The following NAALADL2 variants were observed in gnomAD, a reference collection of about 807,000 sequenced individuals.
NAALADL2 encodes inactive N-acetylated-alpha-linked acidic dipeptidase-like protein 2.
Under a neutral mutation model 87.2 loss-of-function variants are expected in NAALADL2, and 76 were observed. The observed-to-expected ratio is 0.87, with a 90% confidence interval of 0.72 to 1.05. The LOEUF is 1.05. Ranked by LOEUF, NAALADL2 falls within the 50% of genes least tolerant of loss-of-function variation. NAALADL2 has a pLI of 0.00. For synonymous variants in NAALADL2, 354 were observed against 331.0 expected (o/e 1.07, Z -0.75); for missense variants, 1,089 against 945.8 (o/e 1.15, Z -1.99).
intron 12 of NAALADL2, among the ~76,000 whole-genome samples, chr3:175,747,445 C>T (rs1345702549): frequency 6.6e-6 from 1 of 151,930 alleles, no homozygotes. Flanking sequence ...ATTTTTTTCC[C>T]TAAGGTGTAT....
intron 1 of NAALADL2, among the ~76,000 whole-genome samples, chr3:174,509,568 ATTTTTTTTTTTTTTTTT>A (rs145219498): frequency 1.4e-4 from 11 of 80,118 alleles, no homozygotes; most frequent in Admixed American, 1.9e-4. Flanking sequence ...CACCCAGCTA[ATTTTTTTTTTTTTTTTT>A]TTTTTTTTTT....
intron 1 of NAALADL2, among the ~76,000 whole-genome samples, chr3:174,878,426 A>G (rs994718491): frequency 6.6e-6 from 1 of 152,114 alleles, no homozygotes; most frequent in Non-Finnish European, 1.5e-5. Flanking sequence ...AGAACTACTT[A>G]AAACTGCGTG....
intron 1 of NAALADL2, among the ~76,000 whole-genome samples, chr3:174,539,209 ATATT>A (rs1218842170): frequency 2.6e-5 from 4 of 152,188 alleles, no homozygotes; most frequent in Non-Finnish European, 5.9e-5. Flanking sequence ...AGTATGTCCA[ATATT>A]TATTTAACTC....
Position 175,118,530 on chromosome 3 carries a change from A to C in NAALADL2, c.545+21239A>C, listed in dbSNP as rs1444400256. ...AACAGCAGGCAGGAGGCGGTAAACAAACCATTAAATTGTGAAAAGACCAGT... is the reference window on the plus strand; with the variant it reads ...AACAGCAGGCAGGAGGCGGTAAACACACCATTAAATTGTGAAAAGACCAGT... On this transcript the variant is annotated intron_variant, in intron 2 of 13. Coordinates refer to ENST00000454872, the MANE Select transcript of NAALADL2 (RefSeq NM_207015.3). 3.3e-5 allele frequency among the ~76,000 whole-genome samples: 5 copies of C among 151,886 alleles called. No homozygotes were observed. In the East Asian group the frequency reaches 9.7e-4, roughly 30 times the overall value.
At chr3:174,931,599 A>G (rs985821022) in intron 1 of NAALADL2, among the ~76,000 whole-genome samples, 5 of 152,178 alleles carry the variant, frequency 3.3e-5, no homozygotes, top group Admixed American at 3.3e-4. Context: ...GAAGGAAGAA[A>G]CAAATTATGA....
At chr3:174,923,759 G>A (rs186560318) in intron 1 of NAALADL2, among the ~76,000 whole-genome samples, 119 of 152,190 alleles carry the variant, frequency 7.8e-4, no homozygotes, top group African/African-American at 2.6e-3. Context: ...TAGGTATAGA[G>A]GAATAGAAAA....
chr3:175,457,931 AC>A (rs1722564186), intron 6 of NAALADL2, among the ~76,000 whole-genome samples: 1 of 151,958 alleles, frequency 6.6e-6, no homozygotes, highest in African/African-American at 2.4e-5. Context: ...TTGAGTCATT[AC>A]TTAATTAGGA....
rs186042838 is a variant in NAALADL2 at position 175,362,106 on chromosome 3, C to A, written c.1090+37781C>A. 7.4e-5 allele frequency among the ~76,000 whole-genome samples: 11 copies of A among 148,208 alleles called. 1 individual carries two copies. In the East Asian group the frequency reaches 2.2e-3, roughly 30 times the overall value. ...CATATGGCTAGCCAATTTTCCAGCG[C>A]CATTTATTAAATGAGGAATCCTTTT... On this transcript the variant is annotated intron_variant, in intron 5 of 13. Transcript: ENST00000454872.
chr3:174,556,783 C>T (rs756939730), intron 2 of NAALADL2, among the ~76,000 whole-genome samples: 6 of 151,986 alleles, frequency 3.9e-5, no homozygotes, highest in Admixed American at 1.3e-4. Context: ...CTTTGTCACC[C>T]AGGTTGGAGT....
At chr3:175,635,916 T>C (rs773153930) in intron 11 of NAALADL2, among the ~76,000 whole-genome samples, 5 of 152,088 alleles carry the variant, frequency 3.3e-5, no homozygotes, top group Non-Finnish European at 7.4e-5. Context: ...AATAAAAAGA[T>C]TTAAAAGCTC....
intron 1 of NAALADL2, among the ~76,000 whole-genome samples, chr3:174,485,213 A>C (rs1207415258): frequency 6.6e-6 from 1 of 152,032 alleles, no homozygotes; most frequent in Non-Finnish European, 1.5e-5. Context: ...TAGCATTTAC[A>C]TTGCATGAGG....
rs760223665 is a variant in NAALADL2, at chr3:175,471,733, C to T, written c.1628C>T (p.Pro543Leu). The change falls in exon 9 of 14, where the codon CCA (proline) becomes CTA (leucine). Residue 543 changes from proline to leucine, a missense_variant. Transcript: ENST00000454872. ...GNSSLYPVAS[P>L]SLQQLVVEKN... ...TCTAGTCTGTATCCTGTAGCATCACCATCTCTTCAGCAACTGGTAGTAGAG... is the reference window on the plus strand; with the variant it reads ...TCTAGTCTGTATCCTGTAGCATCACTATCTCTTCAGCAACTGGTAGTAGAG... 1.2e-6 allele frequency: 2 copies of T among 1,608,388 alleles called. No individual in the cohort carries two copies. The highest frequency in any genetic ancestry group is 1.7e-6 in the Non-Finnish European group (2 of 1,177,396).
At chr3:175,101,332 C>T (rs185351595) in intron 2 of NAALADL2, among the ~76,000 whole-genome samples, 140 of 152,264 alleles carry the variant, frequency 9.2e-4, no homozygotes, top group African/African-American at 2.7e-3. Flanking sequence ...CAAAGATGTT[C>T]GTGACTCTCT....
chr3:174,665,451 C>G (rs2108788207), intron 2 of NAALADL2, among the ~76,000 whole-genome samples: 1 of 152,158 alleles, frequency 6.6e-6, no homozygotes, highest in South Asian at 2.1e-4. Flanking sequence ...ATTTGTAGTG[C>G]TGTTATCATG....
intron 1 of NAALADL2, among the ~76,000 whole-genome samples, chr3:174,544,427 A>T (rs1722537945): frequency 6.6e-6 from 1 of 152,088 alleles, no homozygotes; most frequent in Non-Finnish European, 1.5e-5. Flanking sequence ...CTCATACATT[A>T]AAAAAGTCCT....
intron 11 of NAALADL2, among the ~76,000 whole-genome samples, chr3:175,643,791 T>G (rs1303739645): frequency 1.3e-5 from 2 of 152,178 alleles, no homozygotes; most frequent in African/African-American, 2.4e-5. Context: ...GTGACGTTAT[T>G]TATCAACTTA....
intron 9 of NAALADL2, among the ~76,000 whole-genome samples, chr3:175,572,217 C>T (rs1189936063): frequency 6.6e-6 from 1 of 152,074 alleles, no homozygotes; most frequent in Non-Finnish European, 1.5e-5. Context: ...TTGATGATGA[C>T]ATGAGGCGGC....
intron 2 of NAALADL2, among the ~76,000 whole-genome samples, chr3:174,605,053 C>G (rs1164912199): frequency 6.6e-6 from 1 of 152,140 alleles, no homozygotes; most frequent in Non-Finnish European, 1.5e-5. Context: ...ATGACTGGCT[C>G]ATTGTATGTT....
intron 9 of NAALADL2, among the ~76,000 whole-genome samples, chr3:175,546,297 C>T (rs536909524): frequency 2.0e-5 from 3 of 151,996 alleles, no homozygotes; most frequent in Non-Finnish European, 4.4e-5. Context: ...GCATGTGAGA[C>T]GGGTCTCTTG....
Sources: allele counts gnomAD v4.1 joint callset (sites outside exome capture counted in the v4.1 genomes callset), GRCh38; gene constraint gnomAD v4.1.1; transcripts MANE v1.5; gene names NCBI Gene and HGNC (gene_info 2026-07-23, HGNC 2026-07-21).